The following CHRM3 variants were observed in gnomAD, a reference collection of about 807,000 sequenced individuals.
The protein encoded by CHRM3 is muscarinic acetylcholine receptor M3.
In CHRM3, 11 loss-of-function variants were observed where a neutral mutation model predicts 41.8. That is an observed-to-expected ratio of 0.26 (90% confidence interval 0.17 to 0.44). The LOEUF is 0.44. Among genes scored for constraint, CHRM3 ranks in the 20% least tolerant of loss-of-function variants. The pLI is 1.00. For synonymous variants in CHRM3, 297 were observed against 301.4 expected, an observed-to-expected ratio of 0.99 and a Z score of 0.15; for missense variants, 571 against 745.4, an observed-to-expected ratio of 0.77 and a Z score of 2.72.
At chr1:239,767,532 T>C (rs1188157079) in intron 5 of CHRM3, among the ~76,000 whole-genome samples, 2 of 152,230 alleles carry the variant, frequency 1.3e-5, no homozygotes, top group Non-Finnish European at 2.9e-5. Flanking sequence ...ACACATTAAT[T>C]ATACTAACTT....
At chr1:239,548,823 C>T (rs939572756) in intron 3 of CHRM3, among the ~76,000 whole-genome samples, 5 of 152,062 alleles carry the variant, frequency 3.3e-5, no homozygotes, top group African/African-American at 7.2e-5. Flanking sequence ...TATGAAGTCT[C>T]GTATTAGGAT....
chr1:239,516,164 AG>A (rs1387920050), intron 2 of CHRM3, among the ~76,000 whole-genome samples: 1 of 151,962 alleles, frequency 6.6e-6, no homozygotes, highest in Non-Finnish European at 1.5e-5. Context: ...TTTCTTCATT[AG>A]CTAAGATTTG....
rs575531732 is a variant in CHRM3, at chr1:239,818,153, A to G, written c.-146-9099A>G. Among the ~76,000 whole-genome samples the G allele has an allele frequency of 6.6e-5, 10 of 152,214 alleles. No individual in the cohort carries two copies. In the East Asian group the frequency reaches 1.9e-3, roughly 30 times the overall value. ...TATCTGGTGAGGGCTCTCTTCCTGG[A>G]TTGTAGATGGCCGCCTTATCACTGG... On this transcript the variant is annotated intron_variant, in intron 5 of 6. Transcript: ENST00000676153.
intron 6 of CHRM3, among the ~76,000 whole-genome samples, chr1:239,855,861 A>G (rs78301516): frequency 0.018 from 2,745 of 152,244 alleles, 96 homozygotes; most frequent in African/African-American, 0.063. Flanking sequence ...CATCATATTT[A>G]TTTGATGCAT....
intron 5 of CHRM3, among the ~76,000 whole-genome samples, chr1:239,766,042 G>GAC (rs1387184620): frequency 4.6e-5 from 7 of 152,094 alleles, no homozygotes; most frequent in African/African-American, 1.7e-4. Flanking sequence ...CTGAACTCCT[G>GAC]ACATCAGGTG....
At position 239,874,285 on chromosome 1, in the gene CHRM3, GTATA is replaced by G. The variant is rs758413973; in HGVS notation, c.-19-33109_-19-33106del. Among the ~76,000 whole-genome samples the G allele has an allele frequency of 1.4e-3, 115 of 83,226 alleles. 1 individual carries two copies. The highest frequency in any genetic ancestry group is 5.1e-3 in the African/African-American group (83 of 16,414). 54.6% of individuals were successfully genotyped at this position (83,226 alleles called of 152,430 possible). A position where few individuals can be genotyped will look rare whatever the true frequency, so the allele number is the denominator to read the frequency against. The stretch of plus-strand genomic sequence containing the variant: ...AGACCTATATATATCTATATACACA[GTATA>G]TATATATATATATATATATATATAT... On this transcript the variant is annotated intron_variant, in intron 6 of 6. Coordinates refer to ENST00000676153, the MANE Select transcript of CHRM3 (RefSeq NM_001375978.1).
intron 2 of CHRM3, among the ~76,000 whole-genome samples, chr1:239,541,235 G>GA (rs1658744041): frequency 1.3e-5 from 2 of 151,898 alleles, no homozygotes; most frequent in Non-Finnish European, 2.9e-5. Context: ...CTTTAGTCAA[G>GA]AAAAAAATTC....
intron 6 of CHRM3, among the ~76,000 whole-genome samples, chr1:239,842,560 TG>T (rs1673905990): frequency 6.6e-6 from 1 of 152,104 alleles, no homozygotes; most frequent in Admixed American, 6.5e-5. Flanking sequence ...TGATGATGGA[TG>T]GGGAGACCTA....
At chr1:239,878,984 A>G (rs1188240504) in intron 6 of CHRM3, among the ~76,000 whole-genome samples, 2 of 152,146 alleles carry the variant, frequency 1.3e-5, no homozygotes, top group African/African-American at 4.8e-5. Flanking sequence ...TACAACAGAG[A>G]GAATGAATCC....
At chr1:239,422,882 A>G (rs1662067096) in intron 1 of CHRM3, among the ~76,000 whole-genome samples, 1 of 152,184 alleles carries the variant, frequency 6.6e-6, no homozygotes, top group Admixed American at 6.5e-5. Context: ...AAGAAAACCC[A>G]TTAACACATG....
intron 5 of CHRM3, among the ~76,000 whole-genome samples, chr1:239,786,889 G>A (rs963548584): frequency 2.0e-5 from 3 of 151,848 alleles, no homozygotes; most frequent in African/African-American, 7.2e-5. Flanking sequence ...ATCCTGTAGC[G>A]AAAACCAAAG....
intron 6 of CHRM3, among the ~76,000 whole-genome samples, chr1:239,841,503 T>A (rs1446699125): frequency 6.6e-6 from 1 of 152,232 alleles, no homozygotes; most frequent in African/African-American, 2.4e-5. Context: ...GTTGACTTGC[T>A]ATTTTTCATT....
At chr1:239,391,522 C>T (rs371036345) in intron 1 of CHRM3, among the ~76,000 whole-genome samples, 7 of 152,210 alleles carry the variant, frequency 4.6e-5, no homozygotes, top group East Asian at 3.9e-4. Flanking sequence ...TTTAGGCTGG[C>T]GATCTGCATT....
chr1:239,469,555 T>C (rs1340429447), intron 1 of CHRM3, among the ~76,000 whole-genome samples: 2 of 152,164 alleles, frequency 1.3e-5, no homozygotes, highest in Non-Finnish European at 2.9e-5. Context: ...AAAAAATTTT[T>C]TTATTTTTAT....
At chr1:239,705,997 G>C (rs1371053745) in intron 5 of CHRM3, among the ~76,000 whole-genome samples, 1 of 150,978 alleles carries the variant, frequency 6.6e-6, no homozygotes, top group East Asian at 1.9e-4. Context: ...GTCTGATAAG[G>C]AGCTTGGATG....
At chr1:239,544,315 G>A (rs1398848156) in intron 2 of CHRM3, among the ~76,000 whole-genome samples, 3 of 152,190 alleles carry the variant, frequency 2.0e-5, no homozygotes, top group Non-Finnish European at 2.9e-5. Context: ...CTAGGAAGGT[G>A]CGTAGATGGA....
intron 6 of CHRM3, among the ~76,000 whole-genome samples, chr1:239,882,347 T>C (rs915637577): frequency 2.0e-5 from 3 of 152,224 alleles, no homozygotes; most frequent in Non-Finnish European, 4.4e-5. Flanking sequence ...TTGTTTTGAT[T>C]TAAGAGGTTT....
intron 1 of CHRM3, among the ~76,000 whole-genome samples, chr1:239,430,658 G>A (rs1479378968): frequency 6.9e-6 from 1 of 145,512 alleles, no homozygotes; most frequent in African/African-American, 2.5e-5. Flanking sequence ...ATATTAAGAT[G>A]TGTGCACACA....
chr1:239,706,988 G>C (rs1302156355), intron 5 of CHRM3: 1 of 152,172 alleles, frequency 6.6e-6, no homozygotes, highest in African/African-American at 2.4e-5. Context: ...TTTTATAAAA[G>C]AAAAACAAAG....
Sources: allele counts gnomAD v4.1 joint callset (sites outside exome capture counted in the v4.1 genomes callset), GRCh38; gene constraint gnomAD v4.1.1; transcripts MANE v1.5; gene names NCBI Gene and HGNC (gene_info 2026-07-23, HGNC 2026-07-21).